MDFIC: variants seen among roughly 807,000 people sequenced by gnomAD.
MDFIC encodes myoD family inhibitor domain-containing protein.
MDFIC carries 17 observed loss-of-function variants against 23.2 expected under a neutral mutation model. The observed-to-expected ratio is 0.73, with a 90% confidence interval of 0.50 to 1.10. The LOEUF (loss-of-function observed/expected upper bound fraction) is 1.10, where lower values mean the gene tolerates loss of function less well. Among genes scored for constraint, MDFIC ranks in the 50% least tolerant of loss-of-function variants. MDFIC has a pLI of 0.00. For synonymous variants in MDFIC, 120 were observed against 115.2 expected, an observed-to-expected ratio of 1.04 and a Z score of -0.27; for missense variants, 356 against 316.6, an observed-to-expected ratio of 1.12 and a Z score of -0.95.
At chr7:114,942,548 C>G (rs1792564733) in intron 3 of MDFIC, 151 bp downstream of exon 3, 1 of 556,982 alleles carries the variant, frequency 1.8e-6, no homozygotes, top group Non-Finnish European at 2.9e-6. Context: ...AATTACAGAG[C>G]TAAAGCTAGG....
chr7:114,929,084 G>GATCGATCTATCTATCTATCTATCTATCT lies in MDFIC; in HGVS notation c.94+5960_94+5961insGATCTATCTATCTATCTATCTATCTATC, dbSNP rs1554470006. Among the ~76,000 whole-genome samples, 152 of 148,078 alleles carry GATCGATCTATCTATCTATCTATCTATCT rather than the reference G, an allele frequency of 1.0e-3. No individual in the cohort carries two copies. In the South Asian group the frequency reaches 0.011, roughly 11 times the overall value. On this transcript the variant is annotated intron_variant, in intron 2 of 4. Transcript: ENST00000393486. ...AGATATAGATCTATAGATAAATATA[G>GATCGATCTATCTATCTATCTATCTATCT]ATCTATCTATCTATCTATCATCTAT... is the stretch of plus-strand genomic sequence containing the variant.
intron 3 of MDFIC, among the ~76,000 whole-genome samples, chr7:114,970,391 A>G (rs901839467): frequency 3.3e-5 from 5 of 152,070 alleles, no homozygotes; most frequent in South Asian, 2.1e-4. Context: ...TTGCTTATCT[A>G]TCTTATTTTT....
chr7:114,975,944 C>A (rs1391513611), intron 3 of MDFIC, among the ~76,000 whole-genome samples: 1 of 151,940 alleles, frequency 6.6e-6, no homozygotes, highest in Non-Finnish European at 1.5e-5. Context: ...AATTAGGTGA[C>A]AGTGAAACAA....
intron 2 of MDFIC, among the ~76,000 whole-genome samples, chr7:114,930,394 G>A (rs1305590057): frequency 1.3e-5 from 2 of 152,198 alleles, no homozygotes; most frequent in African/African-American, 4.8e-5. Context: ...TCCAGGCTGG[G>A]AAGAGAATCC....
intron 4 of MDFIC, among the ~76,000 whole-genome samples, chr7:114,983,713 G>A (rs545741801): frequency 4.0e-5 from 6 of 151,750 alleles, no homozygotes; most frequent in East Asian, 3.9e-4. Context: ...AATTACAGGC[G>A]CCCACCACCA....
intron 4 of MDFIC, among the ~76,000 whole-genome samples, chr7:115,004,795 C>T (rs776854098): frequency 3.9e-5 from 6 of 152,034 alleles, no homozygotes; most frequent in Non-Finnish European, 5.9e-5. Context: ...TTCCATGTGC[C>T]TCTAATGTCT....
intron 3 of MDFIC, among the ~76,000 whole-genome samples, chr7:114,967,678 TA>T (rs201518147): frequency 1.3e-4 from 20 of 151,788 alleles, no homozygotes; most frequent in African/African-American, 3.6e-4. Flanking sequence ...CCATAGTATA[TA>T]AAAAAAAATT....
At chr7:114,949,177 A>G (rs963958529) in intron 3 of MDFIC, among the ~76,000 whole-genome samples, 12 of 152,136 alleles carry the variant, frequency 7.9e-5, no homozygotes, top group Non-Finnish European at 1.8e-4. Flanking sequence ...TGTAATCTAT[A>G]TCCTACTTCT....
chr7:115,004,235 TTGTC>T (rs1407181389), intron 4 of MDFIC, among the ~76,000 whole-genome samples: 2 of 152,160 alleles, frequency 1.3e-5, no homozygotes, highest in African/African-American at 2.4e-5. Context: ...CCTTATGAGA[TTGTC>T]TGTCATGCAG....
At chr7:114,977,168 C>T (rs757292411) in intron 3 of MDFIC, among the ~76,000 whole-genome samples, 3 of 152,062 alleles carry the variant, frequency 2.0e-5, no homozygotes, top group Admixed American at 2.0e-4. Context: ...TGATATATAG[C>T]TTTGCTTAAA....
intron 2 of MDFIC, among the ~76,000 whole-genome samples, chr7:114,934,919 G>GT (rs1792394844): frequency 1.3e-5 from 2 of 152,006 alleles, no homozygotes; most frequent in East Asian, 1.9e-4. Flanking sequence ...AGGCTTGAGG[G>GT]TTTTTTTGTT....
intron 3 of MDFIC, among the ~76,000 whole-genome samples, chr7:114,963,363 C>G (rs1793031448): frequency 6.6e-6 from 1 of 152,112 alleles, no homozygotes; most frequent in South Asian, 2.1e-4. Flanking sequence ...ATCAGGTCAG[C>G]AAATGTGCTG....
At chr7:115,008,691 T>G (rs375653867) in intron 4 of MDFIC, among the ~76,000 whole-genome samples, 11 of 152,312 alleles carry the variant, frequency 7.2e-5, no homozygotes, top group African/African-American at 2.4e-4. Flanking sequence ...CTACACACAC[T>G]TGAGGAGCAG....
In MDFIC at chr7:114,923,808, C is replaced by T. The variant is rs1792139197; in HGVS notation, c.94+681C>T. The T allele has an allele frequency of 7.0e-6, 3 of 429,776 alleles. No homozygotes were observed. In the Admixed American group the frequency reaches 1.4e-4, roughly 20 times the overall value. The allele number at this position is 429,776 out of a possible 1,614,324, so 26.6% of individuals were successfully genotyped here. On this transcript the variant is annotated intron_variant, in intron 2 of 4. Coordinates refer to ENST00000393486, the MANE Select transcript of MDFIC (RefSeq NM_001166345.3). Reference sequence around the variant, plus strand: ...TTGAAGGCAATATACTTTAGGTTTCCATTGGTGACAGAGAGGAAGGTTCTT... The same window carrying T: ...TTGAAGGCAATATACTTTAGGTTTCTATTGGTGACAGAGAGGAAGGTTCTT...
intron 4 of MDFIC, among the ~76,000 whole-genome samples, chr7:114,992,970 C>A (rs9777946): frequency 6.6e-6 from 1 of 152,194 alleles, no homozygotes; most frequent in Non-Finnish European, 1.5e-5. Context: ...AGCTGTGAAT[C>A]CGTCTGGTCC....
chr7:114,995,049 T>C (rs573620196), intron 4 of MDFIC, among the ~76,000 whole-genome samples: 62 of 152,300 alleles, frequency 4.1e-4, no homozygotes, highest in Non-Finnish European at 6.6e-4. Context: ...GTTCGTTTCT[T>C]TTACTCTATT....
At chr7:115,008,197 A>G (rs1791610392) in intron 4 of MDFIC, among the ~76,000 whole-genome samples, 1 of 152,052 alleles carries the variant, frequency 6.6e-6, no homozygotes, top group South Asian at 2.1e-4. Flanking sequence ...CATTTAAAAT[A>G]TGAAAGCAAC....
intron 3 of MDFIC, among the ~76,000 whole-genome samples, chr7:114,977,244 G>A (rs553594583): frequency 1.3e-5 from 2 of 152,142 alleles, no homozygotes; most frequent in South Asian, 4.2e-4. Context: ...CTTTTGGGGG[G>A]CATCAAGGCT....
chr7:115,001,927 G>A (rs753109904), intron 4 of MDFIC, among the ~76,000 whole-genome samples: 4 of 152,098 alleles, frequency 2.6e-5, no homozygotes, highest in Non-Finnish European at 4.4e-5. Context: ...ACCTGAGGTC[G>A]GGAGTTTGAG....
Sources: gnomAD v4.1 joint callset for allele counts (sites outside exome capture counted in the v4.1 genomes callset) on GRCh38, gnomAD v4.1.1 for gene constraint, MANE v1.5 for transcripts, NCBI Gene and HGNC (gene_info 2026-07-23, HGNC 2026-07-21) for gene names.